TRIM44: variants seen among roughly 807,000 people sequenced by gnomAD.
The protein encoded by TRIM44 is tripartite motif-containing protein 44.
Under a neutral mutation model 37.4 loss-of-function variants are expected in TRIM44, and 13 were observed. That is an observed-to-expected ratio of 0.35 (90% CI 0.23 to 0.55). The LOEUF (loss-of-function observed/expected upper bound fraction) is 0.55. Ranked by LOEUF, TRIM44 falls within the 20% of genes least tolerant of loss-of-function variation. TRIM44 has a pLI of 0.89. For missense variants in TRIM44, 426 were observed against 437.2 expected (o/e 0.97, Z 0.23); for synonymous variants, 175 against 157.2 (o/e 1.11, Z -0.85).
At chr11:35,751,460 G>C (rs1252991350) in intron 4 of TRIM44, among the ~76,000 whole-genome samples, 1 of 152,270 alleles carries the variant, frequency 6.6e-6, no homozygotes, top group South Asian at 2.1e-4. Context: ...ACAGTATTCT[G>C]ACTAAAGGCC....
Position 35,663,344 on chromosome 11 carries a change from A to C in TRIM44, c.233A>C (p.Lys78Thr). 1 of 1,613,936 alleles carries C rather than the reference A, an allele frequency of 6.2e-7. No homozygotes were observed. The highest frequency in any genetic ancestry group is 1.7e-4 in the Middle Eastern group (1 of 6,060). The change falls in exon 1 of 5, where the codon AAG (lysine) becomes ACG (threonine). Residue 78 changes from lysine to threonine, a missense_variant. Coordinates refer to ENST00000299413, the MANE Select transcript of TRIM44 (RefSeq NM_017583.6). ...CCAGCTGACGGAGAGGGGGCGGGGA[A>C]GGAAGAAGCGGAGGTCAAGGTGGAG... ...TPPADGEGAGKEEAEVKVEQE... is the reference protein window; with the variant it reads ...TPPADGEGAGTEEAEVKVEQE...
chr11:35,697,212 C>CCA (rs1564957745), intron 2 of TRIM44, among the ~76,000 whole-genome samples: 2 of 109,062 alleles, frequency 1.8e-5, no homozygotes, highest in African/African-American at 6.8e-5. Context: ...TATCCCTCCC[C>CCA]CTCCCCCCAC....
chr11:35,684,153 A>G (rs1220395152), intron 1 of TRIM44, among the ~76,000 whole-genome samples: 2 of 152,252 alleles, frequency 1.3e-5, no homozygotes, highest in East Asian at 1.9e-4. Flanking sequence ...ATCTGTACTG[A>G]CCAATATAGT....
intron 2 of TRIM44, among the ~76,000 whole-genome samples, chr11:35,709,143 G>A (rs1483763263): frequency 6.6e-6 from 1 of 152,158 alleles, no homozygotes; most frequent in Non-Finnish European, 1.5e-5. Flanking sequence ...TGAAAGATTA[G>A]CAGATTTAAT....
intron 4 of TRIM44, among the ~76,000 whole-genome samples, chr11:35,773,938 G>A (rs1852912833): frequency 6.6e-6 from 1 of 152,214 alleles, no homozygotes; most frequent in African/African-American, 2.4e-5. Context: ...ACATATGCGT[G>A]CATGTGTCTT....
intron 3 of TRIM44, among the ~76,000 whole-genome samples, chr11:35,728,492 A>G (rs1852213999): frequency 1.3e-5 from 2 of 152,194 alleles, no homozygotes; most frequent in Non-Finnish European, 2.9e-5. Context: ...AGGCTTAAGG[A>G]CCAGGCTACA....
At chr11:35,723,344 T>C (rs144242471) in intron 2 of TRIM44, among the ~76,000 whole-genome samples, 222 of 152,336 alleles carry the variant, frequency 1.5e-3, no homozygotes, top group African/African-American at 5.1e-3. Flanking sequence ...AGTGCTATGT[T>C]ATAATTTCAA....
intron 4 of TRIM44, among the ~76,000 whole-genome samples, chr11:35,754,291 T>C (rs1852597507): frequency 6.6e-6 from 1 of 152,170 alleles, no homozygotes; most frequent in South Asian, 2.1e-4. Context: ...TCATCTCGGA[T>C]TTCTTGCAGG....
At chr11:35,725,275 A>G (rs1051010819) in intron 2 of TRIM44, among the ~76,000 whole-genome samples, 6 of 152,176 alleles carry the variant, frequency 3.9e-5, no homozygotes, top group African/African-American at 1.4e-4. Context: ...ATATAGAAAA[A>G]TGGCTGGGAG....
chr11:35,712,378 T>C (rs551187994), intron 2 of TRIM44, among the ~76,000 whole-genome samples: 82 of 152,264 alleles, frequency 5.4e-4, no homozygotes, highest in Non-Finnish European at 9.7e-4. Context: ...TTAGGAAATA[T>C]ATTCCCACTT....
chr11:35,753,728 AT>A (rs796549495), intron 4 of TRIM44, among the ~76,000 whole-genome samples: 130 of 147,434 alleles, frequency 8.8e-4, no homozygotes, highest in Non-Finnish European at 1.2e-3. Context: ...TGCCAAATTG[AT>A]TTTTTTTTTT....
chr11:35,804,979 G>A (rs1853429443), intron 4 of TRIM44, among the ~76,000 whole-genome samples: 1 of 152,186 alleles, frequency 6.6e-6, no homozygotes, highest in Non-Finnish European at 1.5e-5. Context: ...GTTTTATATA[G>A]ACATAGATAA....
intron 4 of TRIM44, among the ~76,000 whole-genome samples, chr11:35,788,085 A>G (rs1853152773): frequency 6.6e-6 from 1 of 152,108 alleles, no homozygotes; most frequent in Admixed American, 6.5e-5. Context: ...CTGCTCCCCC[A>G]TGAACAGTAG....
intron 4 of TRIM44, among the ~76,000 whole-genome samples, chr11:35,744,455 T>C (rs1852459559): frequency 6.6e-6 from 1 of 152,194 alleles, no homozygotes; most frequent in African/African-American, 2.4e-5. Flanking sequence ...CCTATAAATA[T>C]ACACAATTCT....
rs547334330 is a variant in TRIM44, at chr11:35,816,216, G to A, written c.*9831G>A. On this transcript the variant is annotated 3_prime_UTR_variant, in exon 5 of 5. Transcript: ENST00000299413. Reference sequence around the variant, plus strand: ...TTTCAGATGTTTGGGAAATTTCTCAGCTTGGGTCATTCTTCAAGAGTAAGA... The same window carrying A: ...TTTCAGATGTTTGGGAAATTTCTCAACTTGGGTCATTCTTCAAGAGTAAGA... 1 of 152,076 alleles carries A rather than the reference G, an allele frequency of 6.6e-6. No individual in the cohort carries two copies. The highest frequency in any genetic ancestry group is 2.4e-5 in the African/African-American group (1 of 41,466). The allele number at this position is 152,076 out of a possible 1,614,324, so 9.4% of individuals were successfully genotyped here.
chr11:35,663,513 G>A lies in TRIM44; in HGVS notation c.402G>A (p.Glu134=), dbSNP rs2135479260. 2 of 1,595,458 alleles carry A rather than the reference G, an allele frequency of 1.3e-6. No individual in the cohort carries two copies. Among genetic ancestry groups the A allele is most frequent in the African/African-American group, 1.3e-5 (1 of 74,604 alleles). ...AAGAAGACAGCGAGGAAGAAATGGA[G>A]GATGAGCAAGAAAGCGAGGCCGAAG... ...ESEEDSEEEM[E]DEQESEAEED... Residue 134 remains glutamate (E), a synonymous_variant, in exon 1 of 5, where the codon GAG becomes GAA. Coordinates refer to ENST00000299413, the MANE Select transcript of TRIM44 (RefSeq NM_017583.6).
intron 4 of TRIM44, among the ~76,000 whole-genome samples, chr11:35,753,301 T>C (rs1433296090): frequency 6.6e-6 from 1 of 152,228 alleles, no homozygotes; most frequent in African/African-American, 2.4e-5. Context: ...CCTCAGAGCC[T>C]AATACCCCTG....
chr11:35,781,025 C>G (rs1853057972), intron 4 of TRIM44, among the ~76,000 whole-genome samples: 2 of 152,018 alleles, frequency 1.3e-5, no homozygotes, highest in Non-Finnish European at 2.9e-5. Context: ...TTTTGATAGT[C>G]ATGTGAGAAA....
chr11:35,704,867 A>C (rs543074498), intron 2 of TRIM44, among the ~76,000 whole-genome samples: 3,026 of 151,926 alleles, frequency 0.02, 118 homozygotes, highest in African/African-American at 0.07. Context: ...TGAGCAAAAT[A>C]ACCAGCTAAC....
Sources: allele counts gnomAD v4.1 joint callset (sites outside exome capture counted in the v4.1 genomes callset), GRCh38; gene constraint gnomAD v4.1.1; transcripts MANE v1.5; gene names NCBI Gene and HGNC (gene_info 2026-07-23, HGNC 2026-07-21).